SCMH1: variants seen among roughly 807,000 people sequenced by gnomAD.
The protein encoded by SCMH1 is Scm polycomb group protein homolog 1.
In SCMH1, 37 loss-of-function variants were observed where a neutral mutation model predicts 70.8. The ratio of observed to expected loss-of-function variants is 0.52; its 90% CI spans 0.40 to 0.69. SCMH1 has a LOEUF of 0.69. Ranked by LOEUF, SCMH1 falls within the 30% of genes least tolerant of loss-of-function variation. SCMH1 has a pLI of 0.00. For synonymous variants in SCMH1, 292 were observed against 307.4 expected, an observed-to-expected ratio of 0.95 and a Z score of 0.52; for missense variants, 607 against 827.3, an observed-to-expected ratio of 0.73 and a Z score of 3.27.
At chr1:41,037,722 ACT>A (rs1195500936) in intron 12 of SCMH1, among the ~76,000 whole-genome samples, 181 bp from the exon 13 acceptor site, 2 of 151,998 alleles carry the variant, frequency 1.3e-5, no homozygotes, top group African/African-American at 2.4e-5. Flanking sequence ...GCTCAGTGCC[ACT>A]CTCTGGACTT....
At chr1:41,081,227 A>G (rs1018718519) in intron 8 of SCMH1, among the ~76,000 whole-genome samples, 3 of 152,248 alleles carry the variant, frequency 2.0e-5, no homozygotes, top group African/African-American at 7.2e-5. Flanking sequence ...AAATTAAAGA[A>G]GATCTAGATA....
At chr1:41,035,865 C>T (rs947059121) in intron 13 of SCMH1, among the ~76,000 whole-genome samples, 14 of 152,274 alleles carry the variant, frequency 9.2e-5, no homozygotes, top group Middle Eastern at 6.8e-3. Flanking sequence ...AGGCTGCTTT[C>T]GCTAAGATCC....
chr1:41,064,755 A>T (rs948375540), intron 10 of SCMH1, among the ~76,000 whole-genome samples: 2 of 150,396 alleles, frequency 1.3e-5, no homozygotes, highest in Non-Finnish European at 3.0e-5. Context: ...TCTATAAAAA[A>T]AATAAAAATA....
chr1:41,066,996 C>T (rs1172100299), intron 10 of SCMH1, among the ~76,000 whole-genome samples: 1 of 152,178 alleles, frequency 6.6e-6, no homozygotes, highest in Non-Finnish European at 1.5e-5. Flanking sequence ...GGAGTTGAAA[C>T]CGTATGTCCA....
In SCMH1 at chr1:41,050,466, C is replaced by T. The variant is rs149907103; in HGVS notation, c.1106-1576G>A. Among the ~76,000 whole-genome samples the T allele has an allele frequency of 1.6e-3, 239 of 152,272 alleles. 3 individuals are homozygous for T. The highest frequency in any genetic ancestry group is 0.013 in the East Asian group (66 of 5,190). ...ATGAAGTGACTGAGCCAGATGCTCT[C>T]TGAGGATTCTCCACCTTCATAATTC... On this transcript the variant is annotated intron_variant, in intron 10 of 14. Coordinates refer to ENST00000337495, the Ensembl canonical transcript of SCMH1.
exon 12 of SCMH1, chr1:41,046,456 C>G: frequency 1.2e-6 from 2 of 1,614,172 alleles, no homozygotes; most frequent in Non-Finnish European, 1.7e-6. Flanking sequence ...CAGTGAGTGA[C>G]AAGTGAGTCT....
chr1:41,043,228 G>T (rs1337611600), intron 12 of SCMH1: 6 of 151,898 alleles, frequency 4.0e-5, no homozygotes. Context: ...CGAGTAGCTG[G>T]AATTATAGGT....
chr1:41,082,547 A>C (rs2148955702), intron 8 of SCMH1, among the ~76,000 whole-genome samples: 1 of 152,316 alleles, frequency 6.6e-6, no homozygotes, highest in East Asian at 1.9e-4. Flanking sequence ...GCCTGTCCTA[A>C]AAGAGCTCCT....
chr1:41,152,659 T>C (rs769426680), intron 4 of SCMH1: 1 of 1,614,150 alleles, frequency 6.2e-7, no homozygotes, highest in Non-Finnish European at 8.5e-7. Context: ...GCTAAAACAC[T>C]GTAGCAAACC....
intron 4 of SCMH1, among the ~76,000 whole-genome samples, chr1:41,153,710 G>T (rs1645270516): frequency 1.3e-5 from 2 of 152,168 alleles, no homozygotes; most frequent in South Asian, 4.1e-4. Flanking sequence ...TACCTAGATG[G>T]TATTTTCCTT....
At chr1:41,210,333 T>G (rs928990694) in intron 1 of SCMH1, among the ~76,000 whole-genome samples, 1 of 152,228 alleles carries the variant, frequency 6.6e-6, no homozygotes, top group African/African-American at 2.4e-5. Flanking sequence ...CCAATGACTT[T>G]CTTTGCAAAA....
chr1:41,188,587 A>T (rs1275171671), intron 1 of SCMH1, among the ~76,000 whole-genome samples: 1 of 152,136 alleles, frequency 6.6e-6, no homozygotes, highest in Non-Finnish European at 1.5e-5. Context: ...AGATCTGGAG[A>T]ATGTAATGAC....
intron 1 of SCMH1, among the ~76,000 whole-genome samples, chr1:41,193,792 T>G (rs1237484596): frequency 1.3e-5 from 2 of 152,202 alleles, no homozygotes; most frequent in African/African-American, 4.8e-5. Context: ...CTTGCTATAC[T>G]AAGCCAATGG....
chr1:41,042,846 T>C lies in SCMH1; in HGVS notation c.1498+3561A>G, dbSNP rs369842947. ...GCACAGAGTAAGTATTTGTAAATATTTGATGACCTAAAGTAAAACAACTGG... is the reference window on the plus strand; with the variant it reads ...GCACAGAGTAAGTATTTGTAAATATCTGATGACCTAAAGTAAAACAACTGG... On this transcript the variant is annotated intron_variant, in intron 12 of 14. Coordinates refer to ENST00000337495, the Ensembl canonical transcript of SCMH1. Among the ~76,000 whole-genome samples, 166 of 152,266 alleles carry C rather than the reference T, an allele frequency of 1.1e-3. 3 individuals are homozygous for C. The South Asian group carries it at 0.033, about 31-fold the overall frequency.
At chr1:41,032,435 C>A (rs1448913543) in intron 13 of SCMH1, among the ~76,000 whole-genome samples, 1 of 152,014 alleles carries the variant, frequency 6.6e-6, no homozygotes, top group Non-Finnish European at 1.5e-5. Flanking sequence ...TGTATCAGAA[C>A]AAAGTGAATG....
chr1:41,131,738 G>A (rs1267939084), intron 6 of SCMH1, among the ~76,000 whole-genome samples: 3 of 152,218 alleles, frequency 2.0e-5, no homozygotes, highest in East Asian at 1.9e-4. Context: ...GGTGTGTGAT[G>A]TTCTTTTCCC....
chr1:41,143,544 A>AT (rs1220178953), intron 5 of SCMH1, among the ~76,000 whole-genome samples: 1 of 152,044 alleles, frequency 6.6e-6, no homozygotes, highest in African/African-American at 2.4e-5. Context: ...TTGAGGGTTA[A>AT]TTTTTTCTTA....
At chr1:41,066,006 C>T (rs996118096) in intron 10 of SCMH1, among the ~76,000 whole-genome samples, 9 of 152,178 alleles carry the variant, frequency 5.9e-5, no homozygotes, top group African/African-American at 9.7e-5. Flanking sequence ...GTGCAGCCTA[C>T]GCCTCACTTG....
intron 11 of SCMH1, among the ~76,000 whole-genome samples, chr1:41,047,253 G>T (rs1646974965): frequency 6.6e-6 from 1 of 151,996 alleles, no homozygotes; most frequent in Non-Finnish European, 1.5e-5. Flanking sequence ...CCCCAGAGAG[G>T]GTATAGGAGA....
Sources: allele counts gnomAD v4.1 joint callset (sites outside exome capture counted in the v4.1 genomes callset), GRCh38; gene constraint gnomAD v4.1.1; transcripts MANE v1.5; gene names NCBI Gene and HGNC (gene_info 2026-07-23, HGNC 2026-07-21).